The following STK3 variants were observed in gnomAD, a reference collection of about 807,000 sequenced individuals.
STK3 encodes the protein serine/threonine kinase 3, also known as serine/threonine-protein kinase 3.
Under a neutral mutation model 58.0 loss-of-function variants are expected in STK3, and 41 were observed. The observed-to-expected ratio is 0.71, with a 90% confidence interval of 0.55 to 0.92. STK3 has a LOEUF of 0.92. STK3 is among the 40% of genes least tolerant of loss of function. The pLI is 0.00. For synonymous variants in STK3, 170 were observed against 191.0 expected (o/e 0.89, Z 0.91); for missense variants, 479 against 602.7 (o/e 0.79, Z 2.15).
At chr8:98,597,828 A>G (rs1586971472) in intron 6 of STK3, 1 of 985,242 alleles carries the variant, frequency 1.0e-6, no homozygotes, top group Non-Finnish European at 1.2e-6. Flanking sequence ...GTGCAGAAAA[A>G]AAAAAAAACA....
chr8:98,601,934 T>C (rs1176438091), intron 6 of STK3, among the ~76,000 whole-genome samples: 3 of 151,316 alleles, frequency 2.0e-5, no homozygotes, highest in East Asian at 1.9e-4. Context: ...TTGTAGAACT[T>C]AGTATCAGCC....
chr8:98,394,440 G>A (rs1817880169), intron 3 of STK3, among the ~76,000 whole-genome samples: 1 of 152,018 alleles, frequency 6.6e-6, no homozygotes, highest in Non-Finnish European at 1.5e-5. Context: ...CAGCACTTTT[G>A]GAGGCCAAGG....
intron 9 of STK3, among the ~76,000 whole-genome samples, chr8:98,530,467 A>T (rs1826088587): frequency 6.6e-6 from 1 of 152,158 alleles, no homozygotes. Flanking sequence ...CTGACAAGAG[A>T]GGCCTGGTGC....
At chr8:98,888,832 C>T (rs1242495639) in intron 1 of STK3, among the ~76,000 whole-genome samples, 2 of 152,216 alleles carry the variant, frequency 1.3e-5, no homozygotes, top group African/African-American at 4.8e-5. Context: ...TCTCAGCAGG[C>T]CCCATGGCCC....
At chr8:98,546,070 T>G (rs748459920) in intron 9 of STK3, among the ~76,000 whole-genome samples, 1 of 152,132 alleles carries the variant, frequency 6.6e-6, no homozygotes, top group Non-Finnish European at 1.5e-5. Flanking sequence ...ACACAGAAAG[T>G]TGGCTCATGG....
At chr8:98,585,811 C>G (rs1462082955) in intron 7 of STK3, among the ~76,000 whole-genome samples, 1 of 152,020 alleles carries the variant, frequency 6.6e-6, no homozygotes, top group African/African-American at 2.4e-5. Context: ...AGGTCCTTCA[C>G]ATCCCTTGTA....
At chr8:98,537,412 C>T (rs1481202912) in intron 9 of STK3, among the ~76,000 whole-genome samples, 1 of 152,006 alleles carries the variant, frequency 6.6e-6, no homozygotes, top group Non-Finnish European at 1.5e-5. Flanking sequence ...AAACACATGC[C>T]ACAATGCGCA....
At chr8:98,632,166 A>G (rs1819298755) in intron 6 of STK3, among the ~76,000 whole-genome samples, 1 of 152,252 alleles carries the variant, frequency 6.6e-6, no homozygotes, top group Non-Finnish European at 1.5e-5. Context: ...TCGCAAAGAG[A>G]CAAAACTGGA....
chr8:98,421,236 G>C (rs1818169691), intron 3 of STK3, among the ~76,000 whole-genome samples: 1 of 152,216 alleles, frequency 6.6e-6, no homozygotes, highest in African/African-American at 2.4e-5. Context: ...GGAGAGGAGA[G>C]ACAGCTGACT....
At chr8:98,468,690 G>A (rs1328389241) in intron 10 of STK3, among the ~76,000 whole-genome samples, 1 of 152,136 alleles carries the variant, frequency 6.6e-6, no homozygotes, top group Middle Eastern at 3.2e-3. Context: ...TGTCTCATGG[G>A]GGAAGAATCA....
At chr8:98,570,398 C>T (rs1944748222) in intron 8 of STK3, among the ~76,000 whole-genome samples, 1 of 151,986 alleles carries the variant, frequency 6.6e-6, no homozygotes, top group East Asian at 1.9e-4. Context: ...GTCTTGGCCT[C>T]CCAAAGTGCT....
intron 6 of STK3, among the ~76,000 whole-genome samples, chr8:98,650,634 C>T (rs1587155181): frequency 6.6e-6 from 1 of 152,344 alleles, no homozygotes; most frequent in South Asian, 2.1e-4. Context: ...TCACTCCCAC[C>T]CTAATACTGT....
intron 8 of STK3, among the ~76,000 whole-genome samples, chr8:98,563,569 T>TAC (rs1384249089): frequency 6.6e-6 from 1 of 152,104 alleles, no homozygotes; most frequent in Non-Finnish European, 1.5e-5. Context: ...CTTGATTTCC[T>TAC]ACAGTTTTCC....
chr8:98,596,081 C>A lies in STK3; in HGVS notation c.773G>T (p.Cys258Phe), dbSNP rs1448180804. ...SDDFTDFVKK[C>F]LVKNPEQRAT... ...TCTCTGCTCAGGATTCTTCACCAAA[C>A]ACTTTTTAACAAAATCGGTGAAATC... The change falls in exon 7 of 11, where the codon TGT (cysteine) becomes TTT (phenylalanine). Residue 258 changes from cysteine (C) to phenylalanine (F), a missense_variant. Transcript: ENST00000419617. 1 of 1,613,308 alleles carries A rather than the reference C, an allele frequency of 6.2e-7. No individual in the cohort carries two copies.
At chr8:98,482,517 A>T (rs966318370) in intron 10 of STK3, among the ~76,000 whole-genome samples, 2 of 152,222 alleles carry the variant, frequency 1.3e-5, no homozygotes, top group Admixed American at 1.3e-4. Context: ...TCTCGCATTT[A>T]GGTAACTTTG....
chr8:98,835,301 C>T (rs1021100519), intron 3 of STK3, among the ~76,000 whole-genome samples: 1 of 152,146 alleles, frequency 6.6e-6, no homozygotes, highest in African/African-American at 2.4e-5. Flanking sequence ...GAGCTAGGTC[C>T]TTTAAGTAAT....
At chr8:98,508,692 T>C (rs1296979320) in intron 10 of STK3, among the ~76,000 whole-genome samples, 1 of 152,200 alleles carries the variant, frequency 6.6e-6, no homozygotes, top group Non-Finnish European at 1.5e-5. Flanking sequence ...TGGCTGGTTA[T>C]GTTTTGGATT....
chr8:98,716,413 C>G (rs2131154063), intron 4 of STK3, among the ~76,000 whole-genome samples: 1 of 151,630 alleles, frequency 6.6e-6, no homozygotes, highest in South Asian at 2.1e-4. Context: ...ATTCTATTTA[C>G]AATAGAAATA....
At chr8:98,699,780 G>A (rs1825377785) in intron 6 of STK3, among the ~76,000 whole-genome samples, 1 of 152,210 alleles carries the variant, frequency 6.6e-6, no homozygotes, top group Non-Finnish European at 1.5e-5. Flanking sequence ...CTACTTGGGG[G>A]TGCCTCCCAG....
Sources: allele counts gnomAD v4.1 joint callset (sites outside exome capture counted in the v4.1 genomes callset), GRCh38; gene constraint gnomAD v4.1.1; transcripts MANE v1.5; gene names NCBI Gene and HGNC (gene_info 2026-07-23, HGNC 2026-07-21).